Variants in GRIA1 observed in about 807,000 individuals in gnomAD.
The protein encoded by GRIA1 is glutamate ionotropic receptor AMPA type subunit 1.
A neutral mutation model predicts 99.2 loss-of-function variants in GRIA1; 31 were observed. The ratio of observed to expected loss-of-function variants is 0.31; its 90% CI spans 0.23 to 0.42. GRIA1 has a LOEUF of 0.42. Among genes scored for constraint, GRIA1 ranks in the 10% least tolerant of loss-of-function variants. The probability of loss-of-function intolerance (pLI) is 1.00; values close to 1 mark genes in which losing one functional copy is unlikely to be tolerated. For missense variants in GRIA1, 782 were observed against 1,157.5 expected, an observed-to-expected ratio of 0.68 and a Z score of 4.71; for synonymous variants, 438 against 432.4, an observed-to-expected ratio of 1.01 and a Z score of -0.16.
chr5:153,728,172 C>A (rs1234372730), intron 11 of GRIA1, among the ~76,000 whole-genome samples: 3 of 152,150 alleles, frequency 2.0e-5, no homozygotes, highest in South Asian at 2.1e-4. Context: ...GGAAAAGTGG[C>A]TAGCCATATG....
intron 7 of GRIA1, among the ~76,000 whole-genome samples, chr5:153,679,803 G>A (rs1336697569): frequency 2.0e-5 from 3 of 152,206 alleles, no homozygotes; most frequent in Non-Finnish European, 2.9e-5. Context: ...TTTAGCTTGT[G>A]TTAGACCTGG....
chr5:153,750,371 G>T (rs951273870), intron 11 of GRIA1, among the ~76,000 whole-genome samples: 2 of 152,168 alleles, frequency 1.3e-5, no homozygotes, highest in Non-Finnish European at 2.9e-5. Context: ...AGAGGACAAA[G>T]GGAAATAGGT....
At chr5:153,501,258 A>C (rs1241070206) in intron 2 of GRIA1, among the ~76,000 whole-genome samples, 1 of 152,212 alleles carries the variant, frequency 6.6e-6, no homozygotes, top group African/African-American at 2.4e-5. Flanking sequence ...CCCTGTGCTC[A>C]TGGAGCTCAC....
At chr5:153,740,526 C>T (rs1761708399) in intron 11 of GRIA1, among the ~76,000 whole-genome samples, 1 of 152,198 alleles carries the variant, frequency 6.6e-6, no homozygotes, top group Admixed American at 6.5e-5. Context: ...GGAATGTGGC[C>T]AACCACTATC....
intron 7 of GRIA1, among the ~76,000 whole-genome samples, chr5:153,679,030 C>A (rs1186139464): frequency 6.6e-6 from 1 of 152,172 alleles, no homozygotes; most frequent in Non-Finnish European, 1.5e-5. Context: ...ATACTTAGCA[C>A]ACTGCTTCTG....
chr5:153,616,156 A>C (rs1766480833), intron 2 of GRIA1, among the ~76,000 whole-genome samples: 1 of 152,150 alleles, frequency 6.6e-6, no homozygotes. Context: ...TATGCTGCTT[A>C]CTTGGGTATG....
intron 2 of GRIA1, among the ~76,000 whole-genome samples, chr5:153,596,725 C>T (rs183075152): frequency 6.7e-4 from 102 of 152,328 alleles, no homozygotes; most frequent in African/African-American, 2.4e-3. Context: ...TGTCCTTACT[C>T]TCCCTTCTCA....
intron 2 of GRIA1, among the ~76,000 whole-genome samples, chr5:153,502,163 C>T (rs896880566): frequency 3.2e-4 from 48 of 152,190 alleles, no homozygotes; most frequent in African/African-American, 1.1e-3. Context: ...TAGCAATGGT[C>T]ACGCTTATCC....
chr5:153,540,437 C>A (rs2113484280), intron 2 of GRIA1, among the ~76,000 whole-genome samples: 1 of 152,318 alleles, frequency 6.6e-6, no homozygotes, highest in African/African-American at 2.4e-5. Flanking sequence ...ATATATCCAT[C>A]ATCCAGAGAC....
intron 11 of GRIA1, among the ~76,000 whole-genome samples, chr5:153,744,411 T>C (rs1762015672): frequency 6.6e-6 from 1 of 152,248 alleles, no homozygotes; most frequent in Admixed American, 6.5e-5. Context: ...TATGGATGTA[T>C]TTCGATTCCA....
chr5:153,605,448 G>A (rs917150262), intron 2 of GRIA1, among the ~76,000 whole-genome samples: 11 of 152,160 alleles, frequency 7.2e-5, no homozygotes, highest in African/African-American at 7.2e-5. Flanking sequence ...TTTGAATAAT[G>A]AGTCTATAAA....
At chr5:153,668,873 T>G (rs1755941085) in intron 5 of GRIA1, among the ~76,000 whole-genome samples, 1 of 152,214 alleles carries the variant, frequency 6.6e-6, no homozygotes, top group Non-Finnish European at 1.5e-5. Flanking sequence ...CCAGCCACAG[T>G]CTGAGGTTCA....
rs559186866 is a variant in GRIA1, at chr5:153,629,013, A to C, written c.221-17915A>C. ...CTGCAGCCAAATCTTTTGTTTTACCAATGAGAACCTCCAGCCCAGGGACAG... is the reference window on the plus strand; with the variant it reads ...CTGCAGCCAAATCTTTTGTTTTACCCATGAGAACCTCCAGCCCAGGGACAG... On this transcript the variant is annotated intron_variant, in intron 2 of 15. Transcript: ENST00000285900. 1.2e-4 allele frequency among the ~76,000 whole-genome samples: 19 copies of C among 152,306 alleles called. No individual in the cohort carries two copies. In the East Asian group the frequency reaches 3.5e-3, roughly 28 times the overall value.
intron 2 of GRIA1, among the ~76,000 whole-genome samples, chr5:153,511,134 G>T (rs1756028009): frequency 6.6e-6 from 1 of 152,170 alleles, no homozygotes; most frequent in Non-Finnish European, 1.5e-5. Flanking sequence ...TGATTGCTTG[G>T]TGAGTGACAG....
At chr5:153,533,200 A>T (rs992573358) in intron 2 of GRIA1, among the ~76,000 whole-genome samples, 1 of 152,196 alleles carries the variant, frequency 6.6e-6, no homozygotes, top group African/African-American at 2.4e-5. Context: ...GCAAATGCAC[A>T]GAAGGGTCAG....
intron 5 of GRIA1, among the ~76,000 whole-genome samples, chr5:153,664,720 T>C (rs1386932254): frequency 6.6e-6 from 1 of 152,198 alleles, no homozygotes; most frequent in Non-Finnish European, 1.5e-5. Context: ...TGTTAAGCAC[T>C]CATGAGTGAA....
At chr5:153,775,939 C>A (rs1364251996) in intron 13 of GRIA1, among the ~76,000 whole-genome samples, 3 of 151,606 alleles carry the variant, frequency 2.0e-5, no homozygotes, top group Non-Finnish European at 4.4e-5. Flanking sequence ...TCAGGAACAA[C>A]AAGGGGTCCA....
At chr5:153,670,226 G>A (rs1165867747) in intron 5 of GRIA1, among the ~76,000 whole-genome samples, 2 of 152,192 alleles carry the variant, frequency 1.3e-5, no homozygotes, top group Admixed American at 1.3e-4. Flanking sequence ...CATAGGTGCA[G>A]AAGAAGCAGA....
At chr5:153,561,384 A>C (rs1229053943) in intron 2 of GRIA1, among the ~76,000 whole-genome samples, 2 of 152,152 alleles carry the variant, frequency 1.3e-5, no homozygotes, top group Non-Finnish European at 2.9e-5. Flanking sequence ...AGGACAGTTC[A>C]TGACAAGCCT....
Sources: gnomAD v4.1 joint callset for allele counts (sites outside exome capture counted in the v4.1 genomes callset) on GRCh38, gnomAD v4.1.1 for gene constraint, MANE v1.5 for transcripts, NCBI Gene and HGNC (gene_info 2026-07-23, HGNC 2026-07-21) for gene names.